UNC5C: variants seen among roughly 807,000 people sequenced by gnomAD.
UNC5C encodes the protein unc-5 netrin receptor C, also known as netrin receptor UNC5C.
Under a neutral mutation model 99.8 loss-of-function variants are expected in UNC5C, and 47 were observed. That is an observed-to-expected ratio of 0.47 (90% CI 0.37 to 0.60). The LOEUF (loss-of-function observed/expected upper bound fraction) is 0.60, where lower values mean the gene tolerates loss of function less well. UNC5C is among the 20% of genes least tolerant of loss of function. UNC5C has a pLI of 0.00. For synonymous variants in UNC5C, 487 were observed against 452.2 expected (o/e 1.08, Z -0.98); for missense variants, 1,062 against 1,165.9 (o/e 0.91, Z 1.30).
intron 14 of UNC5C, among the ~76,000 whole-genome samples, chr4:95,171,173 A>C (rs1736084339): frequency 6.6e-6 from 1 of 152,142 alleles, no homozygotes; most frequent in African/African-American, 2.4e-5. Context: ...AAAGCAATAA[A>C]AGAAAATCTA....
chr4:95,259,528 G>A (rs1287892391), intron 4 of UNC5C, among the ~76,000 whole-genome samples: 2 of 152,118 alleles, frequency 1.3e-5, no homozygotes, highest in African/African-American at 4.8e-5. Context: ...CTACAAATAT[G>A]TAAGTAATTG....
intron 1 of UNC5C, among the ~76,000 whole-genome samples, chr4:95,475,619 G>T (rs1748121616): frequency 6.6e-6 from 1 of 151,940 alleles, no homozygotes; most frequent in Admixed American, 6.6e-5. Context: ...CAGAATAAAA[G>T]ATATTTTGCA....
At chr4:95,482,757 G>A (rs1206816332) in intron 1 of UNC5C, among the ~76,000 whole-genome samples, 4 of 121,710 alleles carry the variant, frequency 3.3e-5, no homozygotes, top group Non-Finnish European at 5.2e-5. Flanking sequence ...ACTATCGCAA[G>A]GACAAAAAAC....
At chr4:95,366,358 C>T (rs1207372331) in intron 1 of UNC5C, among the ~76,000 whole-genome samples, 1 of 152,140 alleles carries the variant, frequency 6.6e-6, no homozygotes, top group African/African-American at 2.4e-5. Flanking sequence ...GATCAACTTA[C>T]AAATTATATT....
intron 2 of UNC5C, among the ~76,000 whole-genome samples, chr4:95,302,225 G>A (rs951178142): frequency 1.3e-5 from 2 of 152,128 alleles, no homozygotes; most frequent in African/African-American, 4.8e-5. Flanking sequence ...ATGGCACATC[G>A]TTTTTCTTGA....
chr4:95,198,115 G>A (rs946338366), intron 12 of UNC5C, among the ~76,000 whole-genome samples: 1 of 151,562 alleles, frequency 6.6e-6, no homozygotes, highest in Non-Finnish European at 1.5e-5. Context: ...AGCCTCCTCA[G>A]TAGCTGGGAT....
At chr4:95,354,596 C>T (rs1329352527) in intron 1 of UNC5C, among the ~76,000 whole-genome samples, 1 of 151,504 alleles carries the variant, frequency 6.6e-6, no homozygotes, top group Non-Finnish European at 1.5e-5. Context: ...CCTCCCACCT[C>T]AGCCTTATTT....
chr4:95,311,466 T>C (rs150619567), intron 2 of UNC5C, among the ~76,000 whole-genome samples: 296 of 152,330 alleles, frequency 1.9e-3, no homozygotes, highest in African/African-American at 6.7e-3. Flanking sequence ...GAAAATATAA[T>C]TCCTAATTAT....
intron 4 of UNC5C, among the ~76,000 whole-genome samples, chr4:95,252,402 A>T (rs1739779752): frequency 1.3e-5 from 2 of 152,154 alleles, no homozygotes; most frequent in Non-Finnish European, 2.9e-5. Flanking sequence ...CTTCTCTTTC[A>T]AGTACTCATA....
At chr4:95,435,429 A>G (rs9993453) in intron 1 of UNC5C, among the ~76,000 whole-genome samples, 26,232 of 152,096 alleles carry the variant, frequency 0.17, 2,888 homozygotes, top group Admixed American at 0.32. Context: ...GTCTTCTGTC[A>G]TAACTCTTAT....
chr4:95,245,296 G>A, intron 5 of UNC5C, 152 bp from the exon 6 acceptor site: 3 of 870,864 alleles, frequency 3.4e-6, no homozygotes, highest in South Asian at 2.2e-5. Flanking sequence ...AGAGACCATG[G>A]ACCTCATTTT....
chr4:95,222,917 A>G (rs1462041145), intron 7 of UNC5C, among the ~76,000 whole-genome samples: 1 of 152,214 alleles, frequency 6.6e-6, no homozygotes, highest in Non-Finnish European at 1.5e-5. Context: ...TTTTATTTGA[A>G]ATCATTAGAA....
chr4:95,326,909 T>C (rs1328899050), intron 2 of UNC5C, among the ~76,000 whole-genome samples: 3 of 152,216 alleles, frequency 2.0e-5, no homozygotes, highest in Non-Finnish European at 4.4e-5. Context: ...CAAGGTAATG[T>C]AGCTTGTCAC....
chr4:95,494,691 T>C (rs964386591), intron 1 of UNC5C, among the ~76,000 whole-genome samples: 5 of 151,492 alleles, frequency 3.3e-5, no homozygotes, highest in Non-Finnish European at 7.4e-5. Flanking sequence ...TTAAAACTTA[T>C]TAAACTAAAT....
chr4:95,178,239 T>C (rs1736450960), intron 14 of UNC5C, among the ~76,000 whole-genome samples: 1 of 152,222 alleles, frequency 6.6e-6, no homozygotes, highest in African/African-American at 2.4e-5. Context: ...AGGATGCACC[T>C]CTAATAGTTA....
At chr4:95,444,553 G>T (rs1277141999) in intron 1 of UNC5C, among the ~76,000 whole-genome samples, 1 of 151,978 alleles carries the variant, frequency 6.6e-6, no homozygotes, top group African/African-American at 2.4e-5. Flanking sequence ...GGATGGTCTC[G>T]ATCTCCTGAC....
chr4:95,500,147 A>G (rs913772401), intron 1 of UNC5C, among the ~76,000 whole-genome samples: 9 of 152,254 alleles, frequency 5.9e-5, no homozygotes, highest in African/African-American at 1.9e-4. Context: ...CCCAGTTCAC[A>G]GAAGTGCTGC....
chr4:95,378,032 A>G (rs1421024297), intron 1 of UNC5C, among the ~76,000 whole-genome samples: 1 of 152,144 alleles, frequency 6.6e-6, no homozygotes, highest in African/African-American at 2.4e-5. Context: ...GTCTTATTAG[A>G]TGGAAGCTCA....
intron 5 of UNC5C, chr4:95,248,408 C>A: frequency 5.5e-6 from 2 of 363,754 alleles, no homozygotes; most frequent in South Asian, 2.1e-5. Flanking sequence ...TGTGTTAAGG[C>A]TAAAAGAAGA....
Sources: gnomAD v4.1 joint callset for allele counts (sites outside exome capture counted in the v4.1 genomes callset) on GRCh38, gnomAD v4.1.1 for gene constraint, MANE v1.5 for transcripts, NCBI Gene and HGNC (gene_info 2026-07-23, HGNC 2026-07-21) for gene names.